MAD1L1: variants seen among roughly 807,000 people sequenced by gnomAD.
MAD1L1 encodes the protein mitotic spindle assembly checkpoint protein MAD1.
In MAD1L1, 95 loss-of-function variants were observed where a neutral mutation model predicts 96.9. That is an observed-to-expected ratio of 0.98 (90% CI 0.83 to 1.16). The LOEUF is 1.16. Ranked by LOEUF, MAD1L1 falls within the 50% of genes most tolerant of loss-of-function variation. The probability of loss-of-function intolerance (pLI) is 0.00; values close to 1 mark genes in which losing one functional copy is unlikely to be tolerated. For missense variants in MAD1L1, 1,007 were observed against 954.4 expected (o/e 1.06, Z -0.73); for synonymous variants, 473 against 396.6 (o/e 1.19, Z -2.29).
intron 12 of MAD1L1, among the ~76,000 whole-genome samples, chr7:2,025,007 G>C (rs772123822): frequency 1.3e-5 from 2 of 152,158 alleles, no homozygotes; most frequent in African/African-American, 4.8e-5. Flanking sequence ...ACCACACAAA[G>C]AGTAAACTTT....
chr7:2,139,996 C>T (rs947718516), intron 11 of MAD1L1, among the ~76,000 whole-genome samples: 6 of 151,064 alleles, frequency 4.0e-5, no homozygotes, highest in Admixed American at 2.0e-4. Context: ...ACCCCGCCCC[C>T]CCCCAGTCCC....
intron 18 of MAD1L1, chr7:1,846,483 T>C (rs1166954505): frequency 1.3e-5 from 2 of 153,186 alleles, no homozygotes; most frequent in African/African-American, 4.8e-5. Flanking sequence ...GGGTCACTCG[T>C]GCCCGAGGTG....
At chr7:2,025,634 AATGTG>A (rs1243952951) in intron 12 of MAD1L1, among the ~76,000 whole-genome samples, 2 of 152,240 alleles carry the variant, frequency 1.3e-5, no homozygotes, top group Non-Finnish European at 2.9e-5. Context: ...AAGGGTTAGA[AATGTG>A]TACATATAAA....
chr7:2,139,964 GT>G (rs1485618648), intron 11 of MAD1L1, among the ~76,000 whole-genome samples: 3 of 150,684 alleles, frequency 2.0e-5, no homozygotes, highest in Non-Finnish European at 2.9e-5. Flanking sequence ...CAGTTTCCCT[GT>G]TTTTATGGTC....
At chr7:2,157,747 G>A (rs1298085860) in intron 10 of MAD1L1, among the ~76,000 whole-genome samples, 1 of 152,140 alleles carries the variant, frequency 6.6e-6, no homozygotes, top group Non-Finnish European at 1.5e-5. Flanking sequence ...TGCAGCCTTC[G>A]CCACACATCA....
intron 18 of MAD1L1, among the ~76,000 whole-genome samples, chr7:1,879,347 C>T (rs1366913287): frequency 1.3e-5 from 2 of 151,434 alleles, no homozygotes; most frequent in East Asian, 2.0e-4. Flanking sequence ...CCTAGCTACT[C>T]AGGAGGCTGA....
chr7:2,009,206 C>G (rs1282890656), intron 13 of MAD1L1, among the ~76,000 whole-genome samples: 1 of 152,202 alleles, frequency 6.6e-6, no homozygotes, highest in Admixed American at 6.5e-5. Context: ...AGGCCTCAGC[C>G]GGGCTATTTT....
chr7:1,825,851 T>C (rs1398228334), intron 18 of MAD1L1, among the ~76,000 whole-genome samples: 1 of 151,630 alleles, frequency 6.6e-6, no homozygotes, highest in Non-Finnish European at 1.5e-5. Flanking sequence ...AGCCCCGGGG[T>C]TGGAGGTCAG....
intron 12 of MAD1L1, among the ~76,000 whole-genome samples, chr7:2,018,271 G>A (rs547089201): frequency 6.6e-6 from 1 of 152,316 alleles, no homozygotes; most frequent in South Asian, 2.1e-4. Context: ...CCACACAGGA[G>A]AGGGCAGAGA....
chr7:2,074,363 T>C (rs1433153291), intron 11 of MAD1L1, among the ~76,000 whole-genome samples: 1 of 151,238 alleles, frequency 6.6e-6, no homozygotes, highest in Non-Finnish European at 1.5e-5. Context: ...TCCCAGCCCT[T>C]GGGCTGTGGG....
At chr7:1,990,263 G>T (rs1040989475) in intron 14 of MAD1L1, among the ~76,000 whole-genome samples, 2 of 152,218 alleles carry the variant, frequency 1.3e-5, no homozygotes, top group African/African-American at 2.4e-5. Flanking sequence ...GGCTGACTGG[G>T]GCAGAGGCTC....
At chr7:2,197,422 A>T (rs1792048509) in intron 10 of MAD1L1, among the ~76,000 whole-genome samples, 1 of 152,136 alleles carries the variant, frequency 6.6e-6, no homozygotes, top group Non-Finnish European at 1.5e-5. Context: ...AAGAGGAAGA[A>T]ACCCCACTGC....
At chr7:2,152,883 G>T (rs572190348) in intron 10 of MAD1L1, among the ~76,000 whole-genome samples, 1 of 152,170 alleles carries the variant, frequency 6.6e-6, no homozygotes, top group African/African-American at 2.4e-5. Flanking sequence ...GACATGCACC[G>T]TGGAGGCGGT....
chr7:2,210,699 G>A (rs549077918), intron 10 of MAD1L1, among the ~76,000 whole-genome samples: 29 of 152,296 alleles, frequency 1.9e-4, no homozygotes, highest in East Asian at 9.7e-4. Flanking sequence ...AAGGAGCAGC[G>A]GGGAGCCCTG....
rs776218698 is a variant in MAD1L1, at chr7:1,968,171, G to A, written c.1506-10452C>T. On this transcript the variant is annotated intron_variant, in intron 15 of 18. Coordinates refer to ENST00000265854, the MANE Select transcript of MAD1L1 (RefSeq NM_001013836.2). The surrounding 1 kb of genome is among the most constrained non-coding windows in gnomAD (Gnocchi z 5.6). ...CTGGAGAAAGTGCAAACAGCTTCGC[G>A]GACGAGGCACCCGGCAGAGCACGCC... Among the ~76,000 whole-genome samples the A allele has an allele frequency of 7.9e-5, 12 of 152,236 alleles. No individual in the cohort carries two copies. The highest frequency in any genetic ancestry group is 2.1e-4 in the South Asian group (1 of 4,834).
intron 18 of MAD1L1, among the ~76,000 whole-genome samples, chr7:1,838,247 G>A (rs922580279): frequency 2.0e-5 from 3 of 152,228 alleles, no homozygotes; most frequent in Admixed American, 1.3e-4. Flanking sequence ...TGGGGAGGAC[G>A]GGGAGAAGCT....
intron 17 of MAD1L1, 69 bp from the exon 18 acceptor site, chr7:1,898,459 C>A: frequency 6.9e-7 from 1 of 1,445,152 alleles, no homozygotes; most frequent in Non-Finnish European, 9.6e-7. Context: ...CGGGAGCGGC[C>A]AGGGCAGGGA....
At chr7:2,154,112 C>T (rs907609571) in intron 10 of MAD1L1, among the ~76,000 whole-genome samples, 4 of 152,098 alleles carry the variant, frequency 2.6e-5, no homozygotes, top group African/African-American at 7.2e-5. Context: ...GCCAAGATGA[C>T]GCCACTGCAC....
intron 14 of MAD1L1, among the ~76,000 whole-genome samples, chr7:1,989,585 C>T (rs1191065021): frequency 6.6e-6 from 1 of 152,224 alleles, no homozygotes; most frequent in Non-Finnish European, 1.5e-5. Context: ...GGTGTGGGGA[C>T]CCTGGGAGAG....
Sources: allele counts gnomAD v4.1 joint callset (sites outside exome capture counted in the v4.1 genomes callset), GRCh38; gene constraint gnomAD v4.1.1; non-coding constraint Gnocchi (gnomAD v3.1); transcripts MANE v1.5; gene names NCBI Gene and HGNC (gene_info 2026-07-23, HGNC 2026-07-21).